Variants in MYPN observed in about 807,000 individuals in gnomAD.
The protein encoded by MYPN is sarcomeric protein myopalladin, 145 kDa (MYOP).
MYPN carries 63 observed loss-of-function variants against 129.4 expected under a neutral mutation model. The observed-to-expected ratio is 0.49, with a 90% CI of 0.40 to 0.60. The LOEUF (loss-of-function observed/expected upper bound fraction) is 0.60, where lower values mean the gene tolerates loss of function less well. MYPN is among the 20% of genes least tolerant of loss of function. MYPN has a pLI of 0.00. For missense variants in MYPN, 1,596 were observed against 1,635.4 expected (o/e 0.98, Z 0.42); for synonymous variants, 629 against 600.9 (o/e 1.05, Z -0.68).
chr10:68,209,439 A>ATGAC (rs1336146346), intron 19 of MYPN, among the ~76,000 whole-genome samples: 1 of 152,150 alleles, frequency 6.6e-6, no homozygotes, highest in East Asian at 1.9e-4. Context: ...TAGGTAGGTA[A>ATGAC]TGACTGATTA....
intron 2 of MYPN, among the ~76,000 whole-genome samples, chr10:68,134,467 T>G (rs528970413): frequency 6.6e-6 from 1 of 152,226 alleles, no homozygotes; most frequent in Non-Finnish European, 1.5e-5. Flanking sequence ...GTTTTCATCT[T>G]CACATTTATT....
chr10:68,136,658 T>A, intron 2 of MYPN: 1 of 1,534,998 alleles, frequency 6.5e-7, no homozygotes, highest in Non-Finnish European at 8.7e-7. Flanking sequence ...GACAGAGAGT[T>A]TGGGCATTTG....
chr10:68,131,326 T>A (rs1414591018), intron 2 of MYPN, among the ~76,000 whole-genome samples: 2 of 150,942 alleles, frequency 1.3e-5, no homozygotes, highest in Admixed American at 6.6e-5. Context: ...GATGTGGGGG[T>A]TGCAGTGAGC....
chr10:68,111,248 A>G (rs1222827663), intron 1 of MYPN, among the ~76,000 whole-genome samples: 1 of 152,182 alleles, frequency 6.6e-6, no homozygotes, highest in Non-Finnish European at 1.5e-5. Context: ...CCATTTTGAA[A>G]GGGTTTTAAT....
At chr10:68,102,836 T>G (rs547458722), upstream of MYPN, among the ~76,000 whole-genome samples, 3 of 152,234 alleles carry the variant, frequency 2.0e-5, no homozygotes, top group Non-Finnish European at 4.4e-5. Context: ...TTATCCCCAT[T>G]GTGAAAAATT....
rs760362375 is a variant in MYPN at position 68,165,812 on chromosome 10, G to A, written c.1594G>A (p.Val532Met). 2.1e-5 allele frequency: 34 copies of A among 1,612,952 alleles called. No individual in the cohort carries two copies. Among genetic ancestry groups the A allele is most frequent in the African/African-American group, 4.0e-5 (3 of 74,920 alleles). The change falls in exon 9 of 20, where the codon GTG (valine) becomes ATG (methionine). Residue 532 changes from valine to methionine, a missense_variant. Transcript: ENST00000358913. Reference protein sequence around the residue: ...GTVSSIAQLHVRGNEDLSNNG... With the variant: ...GTVSSIAQLHMRGNEDLSNNG... ...AGTGTCAAGCATTGCACAGCTGCAC[G>A]TGAGAGGTAAGGACTCTTTAATGCT...
chr10:68,172,175 G>T (rs115010758), intron 10 of MYPN, among the ~76,000 whole-genome samples: 1 of 151,956 alleles, frequency 6.6e-6, no homozygotes, highest in Non-Finnish European at 1.5e-5. Flanking sequence ...GCAACATGAC[G>T]AGACCCCCAA....
At chr10:68,095,808 GC>G (rs1277086368) in intron 1 of MYPN, among the ~76,000 whole-genome samples, 1 of 152,114 alleles carries the variant, frequency 6.6e-6, no homozygotes, top group Non-Finnish European at 1.5e-5. Flanking sequence ...GTTTAATTTT[GC>G]GAGATGAAAA....
chr10:68,100,507 A>C (rs901997494), intron 1 of MYPN, among the ~76,000 whole-genome samples: 1 of 152,232 alleles, frequency 6.6e-6, no homozygotes, highest in Non-Finnish European at 1.5e-5. Flanking sequence ...GATTAGGGTC[A>C]TGAAGCACAA....
At chr10:68,098,227 C>T (rs1181862505) in intron 1 of MYPN, among the ~76,000 whole-genome samples, 1 of 152,066 alleles carries the variant, frequency 6.6e-6, no homozygotes, top group East Asian at 1.9e-4. Context: ...GCCTGGGCAA[C>T]AGAGCGAGAC....
At chr10:68,144,427 A>T (rs577122313) in intron 3 of MYPN, among the ~76,000 whole-genome samples, 1 of 152,252 alleles carries the variant, frequency 6.6e-6, no homozygotes, top group Non-Finnish European at 1.5e-5. Context: ...AGGTACTTAC[A>T]TAGTACCAAG....
Position 68,121,783 on chromosome 10 carries a change from T to G in MYPN, c.345T>G (p.Pro115=). 1.2e-6 allele frequency: 2 copies of G among 1,614,230 alleles called. No homozygotes were observed. The highest frequency in any genetic ancestry group is 1.7e-6 in the Non-Finnish European group (2 of 1,180,048). ...ACTCACCTAATTTAAGTTTTGAGCCTAACTTCTGCCAGGATAACCCTCGAA... is the reference window on the plus strand; with the variant it reads ...ACTCACCTAATTTAAGTTTTGAGCCGAACTTCTGCCAGGATAACCCTCGAA... ...MKHSPNLSFE[P]NFCQDNPRSP... Residue 115 remains proline, a synonymous_variant, in exon 2 of 20, where the codon CCT becomes CCG. Transcript: ENST00000358913.
chr10:68,182,250 C>CACATATATATATAACATATATATA (rs1554848110), intron 12 of MYPN, among the ~76,000 whole-genome samples: 285 of 61,230 alleles, frequency 4.7e-3, no homozygotes, highest in African/African-American at 0.018. Context: ...ATATATATAA[C>CACATATATATATAACATATATATA]ACACATATAT....
At chr10:68,120,911 A>G (rs147392574) in intron 1 of MYPN, among the ~76,000 whole-genome samples, 217 of 152,260 alleles carry the variant, frequency 1.4e-3, no homozygotes, top group Non-Finnish European at 2.0e-3. Context: ...CCAGGTCTTT[A>G]TTTTCAATTT....
chr10:68,207,382 G>A (rs184587273), intron 19 of MYPN, among the ~76,000 whole-genome samples: 31 of 152,264 alleles, frequency 2.0e-4, no homozygotes, highest in East Asian at 9.6e-4. Context: ...ACCTCAGGGC[G>A]TTTGTACACT....
chr10:68,169,440 T>C (rs1402874702), intron 10 of MYPN, among the ~76,000 whole-genome samples: 5 of 151,898 alleles, frequency 3.3e-5, no homozygotes, highest in Non-Finnish European at 7.4e-5. Flanking sequence ...AGGTCAGAGT[T>C]CAGTCCTCAG....
At chr10:68,152,177 G>A (rs1044590079) in intron 6 of MYPN, among the ~76,000 whole-genome samples, 5 of 152,154 alleles carry the variant, frequency 3.3e-5, no homozygotes, top group African/African-American at 4.8e-5. Flanking sequence ...TAGAGACCAA[G>A]GTTTTATCAT....
chr10:68,198,860 G>C (rs940386915), intron 16 of MYPN, among the ~76,000 whole-genome samples: 2 of 152,024 alleles, frequency 1.3e-5, no homozygotes, highest in Non-Finnish European at 2.9e-5. Flanking sequence ...ATGCCCTGTT[G>C]GGGGGATGGG....
At position 68,166,532 on chromosome 10, in the gene MYPN, C is replaced by T. The variant is rs140063470; in HGVS notation, c.1839C>T (p.Ser613=). Residue 613 remains serine (S), a synonymous_variant, in exon 10 of 20, where the codon TCC becomes TCT. Coordinates refer to ENST00000358913, the MANE Select transcript of MYPN (RefSeq NM_032578.4). ...PEDDKGSEAS[S]EAGVVTTRQT... is the part of the protein sequence containing the mutation. ...ATGACAAAGGAAGTGAAGCATCCTC[C>T]GAGGCTGGTGTGGTGACCACCAGAC... 39 of 1,613,994 alleles carry T rather than the reference C, an allele frequency of 2.4e-5. No individual in the cohort carries two copies. The highest frequency in any genetic ancestry group is 1.1e-4 in the African/African-American group (8 of 74,892).
Sources: allele counts gnomAD v4.1 joint callset (sites outside exome capture counted in the v4.1 genomes callset), GRCh38; gene constraint gnomAD v4.1.1; transcripts MANE v1.5; gene names NCBI Gene and HGNC (gene_info 2026-07-23, HGNC 2026-07-21).